The following YWHAQ variants were observed in gnomAD, a reference collection of about 807,000 sequenced individuals.
YWHAQ encodes the protein 14-3-3 protein theta.
YWHAQ carries 6 observed loss-of-function variants against 28.3 expected under a neutral mutation model. The ratio of observed to expected loss-of-function variants is 0.21; its 90% confidence interval spans 0.12 to 0.42. The LOEUF is 0.42. Among genes scored for constraint, YWHAQ ranks in the 10% least tolerant of loss-of-function variants. The pLI is 1.00. For missense variants in YWHAQ, 201 were observed against 305.6 expected, an observed-to-expected ratio of 0.66 and a Z score of 2.55; for synonymous variants, 143 against 119.1, an observed-to-expected ratio of 1.20 and a Z score of -1.31.
intron 3 of YWHAQ, among the ~76,000 whole-genome samples, chr2:9,588,591 C>T (rs867926797): frequency 2.0e-5 from 3 of 151,844 alleles, no homozygotes; most frequent in African/African-American, 7.3e-5. Flanking sequence ...GCCAACATGG[C>T]GAAACCCCAT....
chr2:9,623,087 T>C (rs1043124363), intron 2 of YWHAQ, among the ~76,000 whole-genome samples: 1 of 152,252 alleles, frequency 6.6e-6, no homozygotes, highest in African/African-American at 2.4e-5. Flanking sequence ...AATCCCATGC[T>C]ATGGTATCAT....
intron 2 of YWHAQ, among the ~76,000 whole-genome samples, chr2:9,595,789 G>A (rs1030534152): frequency 1.3e-5 from 2 of 151,284 alleles, no homozygotes; most frequent in Non-Finnish European, 2.9e-5. Flanking sequence ...TATCAATTAA[G>A]CAGGAGCTCC....
intron 2 of YWHAQ, among the ~76,000 whole-genome samples, chr2:9,593,921 T>TACACACACAC (rs148503227): frequency 2.9e-4 from 37 of 128,342 alleles, no homozygotes; most frequent in South Asian, 6.9e-4. Flanking sequence ...TATATATATA[T>TACACACACAC]ATACACACAC....
At chr2:9,605,093 C>T (rs1470033522) in intron 2 of YWHAQ, among the ~76,000 whole-genome samples, 1 of 150,580 alleles carries the variant, frequency 6.6e-6, no homozygotes, top group Non-Finnish European at 1.5e-5. Context: ...GTTAAGACTA[C>T]TCAAAAATTC....
intron 2 of YWHAQ, among the ~76,000 whole-genome samples, chr2:9,597,507 G>A (rs1324133856): frequency 3.3e-5 from 5 of 151,894 alleles, no homozygotes; most frequent in East Asian, 3.9e-4. Flanking sequence ...TTAGCCAGGC[G>A]TGGTGGCAGG....
chr2:9,602,847 AAAAAAAAAAAAAAAAATATAT>A (rs1479100070), intron 2 of YWHAQ, among the ~76,000 whole-genome samples: 8 of 23,760 alleles, frequency 3.4e-4, no homozygotes, highest in African/African-American at 4.9e-4. Flanking sequence ...AAAAAAAAAA[AAAAAAAAAAAAAAAAATATAT>A]ATATATATAT....
intron 2 of YWHAQ, among the ~76,000 whole-genome samples, chr2:9,603,871 G>A (rs1001131630): frequency 1.3e-5 from 2 of 152,060 alleles, no homozygotes. Flanking sequence ...GTCACAGTGA[G>A]CTGAGATCAC....
intron 2 of YWHAQ, chr2:9,628,714 CA>C (rs1667294961): frequency 1.3e-5 from 2 of 152,150 alleles, no homozygotes; most frequent in Admixed American, 1.3e-4. Context: ...TTCAAGTTGG[CA>C]AAATTTTTTA....
intron 2 of YWHAQ, among the ~76,000 whole-genome samples, chr2:9,614,269 C>T (rs749249952): frequency 2.0e-4 from 31 of 152,190 alleles, no homozygotes; most frequent in Non-Finnish European, 3.8e-4. Flanking sequence ...CATACATCAC[C>T]ATCATTTAAC....
chr2:9,630,282 G>C lies in YWHAQ; in HGVS notation c.171C>G (p.Ser57=), dbSNP rs1667336859. The change falls in exon 2 of 6, where the codon TCC becomes TCG. Residue 57 remains serine, a synonymous_variant. Coordinates refer to ENST00000238081, the MANE Select transcript of YWHAQ (RefSeq NM_006826.4). The surrounding 1 kb of genome is among the most constrained non-coding windows in gnomAD (Gnocchi z 5.6). ...AYKNVVGGRR[S]AWRVISSIEQ... is the part of the protein sequence containing the mutation. ...CGATGCTAGAGATGACCCTCCAGGC[G>C]GACCTGCGGCCCCCGACCACGTTCT... 1 of 1,614,146 alleles carries C rather than the reference G, an allele frequency of 6.2e-7. No homozygotes were observed.
At position 9,630,354 on chromosome 2, in the gene YWHAQ, G is replaced by A. The variant is rs1017557119; in HGVS notation, c.99C>T (p.Gly33=). 1.2e-6 allele frequency: 2 copies of A among 1,613,968 alleles called. No homozygotes were observed. The highest frequency in any genetic ancestry group is 1.3e-5 in the African/African-American group (1 of 74,940). Residue 33 remains glycine, a synonymous_variant, in exon 2 of 6, where the codon GGC becomes GGT. Transcript: ENST00000238081. The surrounding 1 kb of genome is among the most constrained non-coding windows in gnomAD (Gnocchi z 5.6). ...ATCMKAVTEQ[G]AELSNEERNL... ...TGCGCTCCTCGTTGGACAGCTCGGCGCCCTGCTCGGTCACTGCCTTCATGC... is the reference window on the plus strand; with the variant it reads ...TGCGCTCCTCGTTGGACAGCTCGGCACCCTGCTCGGTCACTGCCTTCATGC...
chr2:9,602,846 AAAAAAAAAAAAAAAAAATATAT>A (rs1230493660), intron 2 of YWHAQ, among the ~76,000 whole-genome samples: 22 of 41,732 alleles, frequency 5.3e-4, no homozygotes, highest in African/African-American at 2.2e-3. Context: ...AAAAAAAAAA[AAAAAAAAAAAAAAAAAATATAT>A]ATATATATAT....
At chr2:9,619,773 A>G (rs1667104502) in intron 2 of YWHAQ, among the ~76,000 whole-genome samples, 1 of 152,222 alleles carries the variant, frequency 6.6e-6, no homozygotes, top group Admixed American at 6.5e-5. Context: ...GAATCCCAAG[A>G]GGGCAAACAC....
intron 2 of YWHAQ, among the ~76,000 whole-genome samples, chr2:9,616,800 C>G (rs1245295777): frequency 6.6e-6 from 1 of 152,222 alleles, no homozygotes; most frequent in African/African-American, 2.4e-5. Flanking sequence ...GGAAAACAAT[C>G]TGGCAGTTCC....
intron 2 of YWHAQ, among the ~76,000 whole-genome samples, chr2:9,606,888 C>CTTT (rs869191589): frequency 2.8e-5 from 4 of 143,792 alleles, no homozygotes; most frequent in African/African-American, 1.0e-4. Flanking sequence ...TAATATTTTT[C>CTTT]TTTTTTTTTT....
At chr2:9,604,397 T>C (rs934413027) in intron 2 of YWHAQ, among the ~76,000 whole-genome samples, 2 of 152,182 alleles carry the variant, frequency 1.3e-5, no homozygotes, top group African/African-American at 4.8e-5. Context: ...TTTCACAGTA[T>C]TCACTATGAA....
chr2:9,594,197 C>T (rs188416128), intron 2 of YWHAQ, among the ~76,000 whole-genome samples: 14 of 152,180 alleles, frequency 9.2e-5, no homozygotes, highest in African/African-American at 3.1e-4. Flanking sequence ...ACACTCTTAA[C>T]TGTAAAAACA....
intron 2 of YWHAQ, among the ~76,000 whole-genome samples, chr2:9,602,863 AT>A (rs57694072): frequency 0.013 from 97 of 7,386 alleles, 1 homozygote; most frequent in Non-Finnish European, 0.019. Context: ...AAAAAAAAAA[AT>A]ATATATATAT....
chr2:9,585,462 T>G (rs1482645640), intron 5 of YWHAQ, 117 bp from the exon 6 acceptor site: 2 of 1,160,490 alleles, frequency 1.7e-6, no homozygotes, highest in Non-Finnish European at 2.5e-6. Context: ...AATGGAGATC[T>G]TGACTAAGAC....
Sources: gnomAD v4.1 joint callset for allele counts (sites outside exome capture counted in the v4.1 genomes callset) on GRCh38, gnomAD v4.1.1 for gene constraint, Gnocchi (gnomAD v3.1) non-coding constraint, MANE v1.5 for transcripts, NCBI Gene and HGNC (gene_info 2026-07-23, HGNC 2026-07-21) for gene names.